Variants in GPR157 observed in about 807,000 individuals in gnomAD.
The protein encoded by GPR157 is G protein-coupled receptor 157, also known as G-protein coupled receptor 157.
A neutral mutation model predicts 23.5 loss-of-function variants in GPR157; 16 were observed. That is an observed-to-expected ratio of 0.68 (90% CI 0.46 to 1.04). GPR157 has a LOEUF of 1.04. Ranked by LOEUF, GPR157 falls within the 50% of genes least tolerant of loss-of-function variation. GPR157 has a pLI of 0.00. For synonymous variants in GPR157, 200 were observed against 221.5 expected (o/e 0.90, Z 0.86); for missense variants, 440 against 460.7 (o/e 0.96, Z 0.41).
Position 9,104,125 on chromosome 1 carries a change from G to A in GPR157, c.*294C>T, listed in dbSNP as rs2124504341. On this transcript the variant is annotated 3_prime_UTR_variant, in exon 4 of 4. Coordinates refer to ENST00000377411, the MANE Select transcript of GPR157 (RefSeq NM_024980.5). The stretch of plus-strand genomic sequence containing the variant: ...CAGGACATCAAGGTCCACTGGGTGG[G>A]GGCACTGTGGCCACAGCTGTGGGCC... The A allele has an allele frequency of 2.5e-6, 1 of 408,012 alleles. No individual in the cohort carries two copies. The highest frequency in any genetic ancestry group is 4.6e-6 in the Non-Finnish European group (1 of 218,856). The allele number at this position is 408,012 out of a possible 1,614,324, so 25.3% of individuals were successfully genotyped here.
At chr1:9,107,524 C>G (rs1638369698) in intron 2 of GPR157, among the ~76,000 whole-genome samples, 1 of 152,180 alleles carries the variant, frequency 6.6e-6, no homozygotes, top group African/African-American at 2.4e-5. Flanking sequence ...GTGGCTCATG[C>G]CTGTAGTCCC....
At chr1:9,123,587 ATATT>A (rs1638886379) in intron 1 of GPR157, among the ~76,000 whole-genome samples, 1 of 114,732 alleles carries the variant, frequency 8.7e-6, no homozygotes, top group Admixed American at 1.1e-4. Flanking sequence ...TATATATTTA[ATATT>A]AATGTATATT....
Position 9,104,194 on chromosome 1 carries a change from C to T in GPR157, c.*225G>A. The T allele has an allele frequency of 1.8e-6, 1 of 557,760 alleles. No individual in the cohort carries two copies. The highest frequency in any genetic ancestry group is 2.2e-5 in the South Asian group (1 of 45,684). The allele number at this position is 557,760 out of a possible 1,614,324, so 34.6% of individuals were successfully genotyped here. A position where few individuals can be genotyped will look rare whatever the true frequency, so the allele number is the denominator to read the frequency against. On this transcript the variant is annotated 3_prime_UTR_variant, in exon 4 of 4. Coordinates refer to ENST00000377411, the MANE Select transcript of GPR157 (RefSeq NM_024980.5). ...ACTGCTACCCTTATGCAGATGAACG[C>T]CCACCCGTGGGCCAGGACGCTGGTA...
At position 9,120,086 on chromosome 1, in the gene GPR157, A is replaced by C. The variant is rs1638767461; in HGVS notation, c.383+8559T>G. On this transcript the variant is annotated intron_variant, in intron 1 of 3. Coordinates refer to ENST00000377411, the MANE Select transcript of GPR157 (RefSeq NM_024980.5). The surrounding 1 kb of genome is among the most constrained non-coding windows in gnomAD (Gnocchi z 4.1). ...AGTCAGGGTGGGGGCACCTGCAGACAGGGAGACACACCTCCACTTCACACA... is the reference window on the plus strand; with the variant it reads ...AGTCAGGGTGGGGGCACCTGCAGACCGGGAGACACACCTCCACTTCACACA... Among the ~76,000 whole-genome samples the C allele has an allele frequency of 6.6e-6, 1 of 152,124 alleles. No individual in the cohort carries two copies. Among genetic ancestry groups the C allele is most frequent in the South Asian group, 2.1e-4 (1 of 4,824 alleles).
chr1:9,123,907 C>A (rs1169542595), intron 1 of GPR157, among the ~76,000 whole-genome samples: 1 of 147,766 alleles, frequency 6.8e-6, no homozygotes, highest in Non-Finnish European at 1.5e-5. Context: ...CAGCTCACTG[C>A]AACCTCTGCC....
rs540330763 is a variant in GPR157, at chr1:9,120,780, G to C, written c.383+7865C>G. On this transcript the variant is annotated intron_variant, in intron 1 of 3. Transcript: ENST00000377411. This position sits in a 1 kb window ranked among gnomAD's most constrained non-coding sequence, Gnocchi z 4.1. ...TCTCACACCTCCTGCCAAGTTGCTG[G>C]TGCTCAGCGCTCTGCCATGAGCTTC... is the stretch of plus-strand genomic sequence containing the variant. 6.6e-6 allele frequency among the ~76,000 whole-genome samples: 1 copy of C among 152,210 alleles called. No individual in the cohort carries two copies. Among genetic ancestry groups the C allele is most frequent in the Non-Finnish European group, 1.5e-5 (1 of 68,034 alleles).
intron 1 of GPR157, among the ~76,000 whole-genome samples, chr1:9,117,715 T>C (rs1031905647): frequency 6.6e-6 from 1 of 151,710 alleles, no homozygotes; most frequent in Non-Finnish European, 1.5e-5. Flanking sequence ...TAAACTGAGA[T>C]CGCGCCACTG....
At position 9,111,423 on chromosome 1, in the gene GPR157, C is replaced by T. The variant is rs369501076; in HGVS notation, c.450G>A (p.Ser150=). The part of the protein sequence containing the change: ...VALKKIGYDA[S]DVSVGWCWID... ...TCCAGCACCAGCCCACAGACACGTC[C>T]GAGGCGTCATAGCCAATCTTCTTCA... Residue 150 remains serine, a synonymous_variant, in exon 2 of 4, where the codon TCG becomes TCA. Coordinates refer to ENST00000377411, the MANE Select transcript of GPR157 (RefSeq NM_024980.5). 82 of 1,614,052 alleles carry T rather than the reference C, an allele frequency of 5.1e-5. No homozygotes were observed. In the East Asian group the frequency reaches 1.5e-3, roughly 29 times the overall value.
chr1:9,111,405 C>T lies in GPR157; in HGVS notation c.468G>A (p.Trp156Ter). ...GYDASDVSVG[W>*]CWIDLEAKDH... ...CCTTGGCCTCCAGGTCGATCCAGCACCAGCCCACAGACACGTCCGAGGCGT... is the reference window on the plus strand; with the variant it reads ...CCTTGGCCTCCAGGTCGATCCAGCATCAGCCCACAGACACGTCCGAGGCGT... The change falls in exon 2 of 4, where the codon TGG (tryptophan) becomes TGA (stop). Residue 156 changes from tryptophan to a stop codon, truncating the protein, a stop_gained. Coordinates refer to ENST00000377411, the MANE Select transcript of GPR157 (RefSeq NM_024980.5). LOFTEE classifies it high-confidence loss of function. 2 of 1,614,224 alleles carry T rather than the reference C, an allele frequency of 1.2e-6. No individual in the cohort carries two copies. The highest frequency in any genetic ancestry group is 2.7e-5 in the African/African-American group (2 of 75,056).
intron 2 of GPR157, among the ~76,000 whole-genome samples, chr1:9,110,201 T>C (rs546973567): frequency 6.6e-6 from 1 of 152,276 alleles, no homozygotes; most frequent in East Asian, 1.9e-4. Context: ...TATACAGCAC[T>C]CTGGTGCTAG....
At chr1:9,110,588 G>A (rs1273456393) in intron 2 of GPR157, among the ~76,000 whole-genome samples, 1 of 152,174 alleles carries the variant, frequency 6.6e-6, no homozygotes, top group East Asian at 1.9e-4. Flanking sequence ...ATCAAAGAAT[G>A]GGTTAATCTG....
intron 1 of GPR157, among the ~76,000 whole-genome samples, chr1:9,127,599 G>A (rs1055216877): frequency 1.3e-5 from 2 of 152,180 alleles, no homozygotes; most frequent in African/African-American, 2.4e-5. Context: ...TGAGAAGCAG[G>A]TCACTTAGTT....
chr1:9,106,365 G>A (rs1432186307), intron 2 of GPR157, among the ~76,000 whole-genome samples: 5 of 151,860 alleles, frequency 3.3e-5, no homozygotes. Flanking sequence ...GAAGCAGCAG[G>A]GCTGCTTGAA....
chr1:9,103,904 G>A lies in GPR157; in HGVS notation c.*515C>T, dbSNP rs1253165307. On this transcript the variant is annotated 3_prime_UTR_variant, in exon 4 of 4. Transcript: ENST00000377411. ...CCTTCAACCTGGTGAATGGCAACTG[G>A]TTCCTCTGTTGAGCAAAGTCTCCAA... 6.5e-6 allele frequency: 1 copy of A among 153,074 alleles called. No individual in the cohort carries two copies. Among genetic ancestry groups the A allele is most frequent in the Non-Finnish European group, 1.5e-5 (1 of 68,608 alleles). The allele number at this position is 153,074 out of a possible 1,614,324, so 9.5% of individuals were successfully genotyped here. A position where few individuals can be genotyped will look rare whatever the true frequency, so the allele number is the denominator to read the frequency against.
intron 3 of GPR157, 50 bp from the exon 4 acceptor site, chr1:9,104,684 AAC>A: frequency 7.3e-7 from 1 of 1,367,876 alleles, no homozygotes; most frequent in Non-Finnish European, 1.0e-6. Context: ...TGGTCTCAGA[AAC>A]ACACGCGCTG....
chr1:9,116,227 TA>T (rs1464307571), intron 1 of GPR157, among the ~76,000 whole-genome samples: 1 of 22,944 alleles, frequency 4.4e-5, no homozygotes, highest in Non-Finnish European at 5.9e-5. Flanking sequence ...ATATTACATA[TA>T]ATATAATTAT....
chr1:9,128,236 C>A lies in GPR157; in HGVS notation c.383+409G>T. 2 of 478,536 alleles carry A rather than the reference C, an allele frequency of 4.2e-6. No individual in the cohort carries two copies. Among genetic ancestry groups the A allele is most frequent in the South Asian group, 1.6e-5 (1 of 64,012 alleles). 29.6% of individuals were successfully genotyped at this position (478,536 alleles called of 1,614,324 possible). The stretch of plus-strand genomic sequence containing the variant: ...GGGTGGGGTGGTGGCGTGGGACTGG[C>A]AGTTGCCGGCTCTCCAGCCCGGGAC... On this transcript the variant is annotated intron_variant, in intron 1 of 3. Coordinates refer to ENST00000377411, the MANE Select transcript of GPR157 (RefSeq NM_024980.5). This position sits in a 1 kb window ranked among gnomAD's most constrained non-coding sequence, Gnocchi z 6.3.
Position 9,128,981 on chromosome 1 carries a change from G to A in GPR157, c.47C>T (p.Ala16Val). 7.3e-7 allele frequency: 1 copy of A among 1,372,400 alleles called. No individual in the cohort carries two copies. Among genetic ancestry groups the A allele is most frequent in the Non-Finnish European group, 9.4e-7 (1 of 1,067,144 alleles). The allele number at this position is 1,372,400 out of a possible 1,614,324, so 85.0% of individuals were successfully genotyped here. ...PPTELVPSER[A>V]VVLLSCALSA... Reference sequence around the variant, plus strand: ...GAGTGCGCACGACAGCAGCACCACGGCGCGCTCCGACGGCACCAGCTCGGT... The same window carrying A: ...GAGTGCGCACGACAGCAGCACCACGACGCGCTCCGACGGCACCAGCTCGGT... Residue 16 changes from alanine to valine, a missense_variant, in exon 1 of 4, where the codon GCC becomes GTC. Transcript: ENST00000377411. This position sits in a 1 kb window ranked among gnomAD's most constrained non-coding sequence, Gnocchi z 6.3.
chr1:9,102,688 GGA>G lies in GPR157; in HGVS notation c.*1729_*1730del, dbSNP rs1642581124. The G allele has an allele frequency of 6.6e-6, 1 of 152,110 alleles. No individual in the cohort carries two copies. Among genetic ancestry groups the G allele is most frequent in the Admixed American group, 6.5e-5 (1 of 15,278 alleles). 9.4% of individuals were successfully genotyped at this position (152,110 alleles called of 1,614,324 possible). A position where few individuals can be genotyped will look rare whatever the true frequency, so the allele number is the denominator to read the frequency against. On this transcript the variant is annotated 3_prime_UTR_variant, in exon 4 of 4. Transcript: ENST00000377411. ...CTGTACTTTCTCTCACCAAGACCCT[GGA>G]GGTAGCATTTCCACTTCCATTCTTT...
Sources: gnomAD v4.1 joint callset for allele counts (sites outside exome capture counted in the v4.1 genomes callset) on GRCh38, gnomAD v4.1.1 for gene constraint, Gnocchi (gnomAD v3.1) non-coding constraint, MANE v1.5 for transcripts, NCBI Gene and HGNC (gene_info 2026-07-23, HGNC 2026-07-21) for gene names.